Variants in METRN observed in about 807,000 individuals in gnomAD.
METRN encodes meteorin.
A neutral mutation model predicts 17.4 loss-of-function variants in METRN; 17 were observed. The observed-to-expected ratio is 0.98, with a 90% confidence interval of 0.67 to 1.46. METRN has a LOEUF of 1.46. Among genes scored for constraint, METRN ranks in the 40% most tolerant of loss-of-function variants. The pLI is 0.00. For synonymous variants in METRN, 230 were observed against 210.8 expected, an observed-to-expected ratio of 1.09 and a Z score of -0.79; for missense variants, 489 against 456.2, an observed-to-expected ratio of 1.07 and a Z score of -0.65.
rs143686490 is a variant in METRN at position 716,946 on chromosome 16, C to T, written c.519C>T (p.Pro173=). Residue 173 remains proline (P), a synonymous_variant, in exon 3 of 4, where the codon CCC becomes CCT. Coordinates refer to ENST00000568223, the MANE Select transcript of METRN (RefSeq NM_024042.4). ...HGLGVDGACR[P]CSDAELLLAA... The stretch of plus-strand genomic sequence containing the variant: ...TCTGCATGCCAGGTGCCTGCAGGCC[C>T]TGCAGCGACGCTGAGCTGCTCCTGG... 6.4e-6 allele frequency: 10 copies of T among 1,569,868 alleles called. No homozygotes were observed. The African/African-American group carries it at 1.2e-4, about 19-fold the overall frequency.
chr16:716,362 A>G, intron 2 of METRN: 8 of 1,410,062 alleles, frequency 5.7e-6, no homozygotes, highest in Non-Finnish European at 7.4e-6. Flanking sequence ...CCCAACCAAC[A>G]AAAGTCCAGT....
rs967359529 is a variant in METRN at position 715,447 on chromosome 16, A to AC, written c.104+60dup. 5.1e-5 allele frequency: 64 copies of AC among 1,262,446 alleles called. No individual in the cohort carries two copies. In the African/African-American group the frequency reaches 6.8e-4, roughly 13 times the overall value. The allele number at this position is 1,262,446 out of a possible 1,614,324, so 78.2% of individuals were successfully genotyped here. ...TAGGACGGGGTGCGCTGCGGCTAGG[A>AC]CCCCCCAGGCGCCCCTCGGAGCGCG... is the stretch of plus-strand genomic sequence containing the variant. On this transcript the variant is annotated intron_variant, in intron 1 of 3. Coordinates refer to ENST00000568223, the MANE Select transcript of METRN (RefSeq NM_024042.4).
In METRN at chr16:715,410, T is replaced by C; in HGVS notation, c.104+17T>C. The C allele has an allele frequency of 7.7e-7, 1 of 1,290,334 alleles. No individual in the cohort carries two copies. The highest frequency in any genetic ancestry group is 9.8e-7 in the Non-Finnish European group (1 of 1,019,006). The allele number at this position is 1,290,334 out of a possible 1,614,324, so 79.9% of individuals were successfully genotyped here. ...GAGGGGCAGGTACGGTCCGGGGGGCTGTCCCCGCACTTAGGACGGGGTGCG... is the reference window on the plus strand; with the variant it reads ...GAGGGGCAGGTACGGTCCGGGGGGCCGTCCCCGCACTTAGGACGGGGTGCG... On this transcript the variant is annotated intron_variant, in intron 1 of 3. Transcript: ENST00000568223.
At position 715,833 on chromosome 16, in the gene METRN, C is replaced by T; in HGVS notation, c.354C>T (p.Cys118=). ...AEGPGPAGGR[C]VRWGPRERRA... The stretch of plus-strand genomic sequence containing the variant: ...GCCCGGGCCCGGCAGGGGGCCGCTG[C>T]GTGCGCTGGGGTCCCCGCGAGCGCC... The change falls in exon 2 of 4, where the codon TGC becomes TGT. Residue 118 remains cysteine, a synonymous_variant. Transcript: ENST00000568223. 7.7e-7 allele frequency: 1 copy of T among 1,298,668 alleles called. No homozygotes were observed. The highest frequency in any genetic ancestry group is 9.7e-7 in the Non-Finnish European group (1 of 1,026,558). The allele number at this position is 1,298,668 out of a possible 1,614,324, so 80.4% of individuals were successfully genotyped here. A position where few individuals can be genotyped will look rare whatever the true frequency, so the allele number is the denominator to read the frequency against.
chr16:717,990 C>G lies in METRN; in HGVS notation c.*603C>G, dbSNP rs895892837. The G allele has an allele frequency of 6.6e-6, 1 of 152,396 alleles. No individual in the cohort carries two copies. Among genetic ancestry groups the G allele is most frequent in the South Asian group, 2.1e-4 (1 of 4,844 alleles). 9.4% of individuals were successfully genotyped at this position (152,396 alleles called of 1,614,324 possible). A position where few individuals can be genotyped will look rare whatever the true frequency, so the allele number is the denominator to read the frequency against. On this transcript the variant is annotated 3_prime_UTR_variant, in exon 4 of 4. Transcript: ENST00000568223. ...CCCGCAGAGTCATCCTTGGCCCCGT[C>G]CCGCCCTTGGGGAAGAATGGGCCCC... is the stretch of plus-strand genomic sequence containing the variant.
rs1249183649 is a variant in METRN at position 718,378 on chromosome 16, C to G, written c.*991C>G. The G allele has an allele frequency of 1.3e-5, 2 of 152,254 alleles. No homozygotes were observed. The highest frequency in any genetic ancestry group is 4.8e-5 in the African/African-American group (2 of 41,460). The allele number at this position is 152,254 out of a possible 1,614,324, so 9.4% of individuals were successfully genotyped here. A position where few individuals can be genotyped will look rare whatever the true frequency, so the allele number is the denominator to read the frequency against. On this transcript the variant is annotated 3_prime_UTR_variant, in exon 4 of 4. Transcript: ENST00000568223. ...GCCATGGCTCAAGGGCCAGGGACCCCTGGGCTGAGCCCCAGAAATGGCTTT... is the reference window on the plus strand; with the variant it reads ...GCCATGGCTCAAGGGCCAGGGACCCGTGGGCTGAGCCCCAGAAATGGCTTT...
intron 1 of METRN, 77 bp downstream of exon 1, chr16:715,470 G>T (rs2151526914): frequency 1.6e-6 from 2 of 1,255,726 alleles, no homozygotes; most frequent in East Asian, 6.4e-5. Context: ...CCCTCGGAGC[G>T]CGCAGAGCGC....
Position 717,326 on chromosome 16 carries a change from G to T in METRN, c.821G>T (p.Arg274Leu), listed in dbSNP as rs543831016. The T allele has an allele frequency of 6.7e-7, 1 of 1,499,982 alleles. No homozygotes were observed. Among genetic ancestry groups the T allele is most frequent in the Non-Finnish European group, 8.9e-7 (1 of 1,125,662 alleles). 92.9% of individuals were successfully genotyped at this position (1,499,982 alleles called of 1,614,324 possible). A position where few individuals can be genotyped will look rare whatever the true frequency, so the allele number is the denominator to read the frequency against. Residue 274 changes from arginine (R) to leucine (L), a missense_variant, in exon 4 of 4, where the codon CGC becomes CTC. Physicochemically the swap from Arg to Leu is moderately radical, Grantham distance 102. Coordinates refer to ENST00000568223, the MANE Select transcript of METRN (RefSeq NM_024042.4). ...LGCAPRFQEFRRAYEAARAAH... is the reference protein window; with the variant it reads ...LGCAPRFQEFLRAYEAARAAH... ...TGTGCCCCACGATTCCAGGAGTTCC[G>T]CCGTGCCTACGAGGCTGCCCGTGCT...
At chr16:716,042 C>T in intron 2 of METRN, 58 bp downstream of exon 2, 1 of 1,380,750 alleles carries the variant, frequency 7.2e-7, no homozygotes, top group Middle Eastern at 1.9e-4. Flanking sequence ...CCTGCCTGGG[C>T]TTGGCGGGAA....
Position 717,401 on chromosome 16 carries a change from G to GGGGAGGGGCTGGTAGGA in METRN, c.*22_*38dup. On this transcript the variant is annotated 3_prime_UTR_variant, in exon 4 of 4. Coordinates refer to ENST00000568223, the MANE Select transcript of METRN (RefSeq NM_024042.4). The stretch of plus-strand genomic sequence containing the variant: ...GCGCTGCACTGAGGGGCTGGGTGCT[G>GGGGAGGGGCTGGTAGGA]GGGAGGGGCTGGTAGGAGGGAGGGT... 2 of 1,416,996 alleles carry GGGGAGGGGCTGGTAGGA rather than the reference G, an allele frequency of 1.4e-6. No homozygotes were observed. The highest frequency in any genetic ancestry group is 1.8e-6 in the Non-Finnish European group (2 of 1,089,962). 87.8% of individuals were successfully genotyped at this position (1,416,996 alleles called of 1,614,324 possible). A position where few individuals can be genotyped will look rare whatever the true frequency, so the allele number is the denominator to read the frequency against.
Position 715,126 on chromosome 16 carries a change from C to G in METRN, c.-164C>G, listed in dbSNP as rs1050402982. The G allele has an allele frequency of 6.6e-4, 105 of 158,824 alleles. 1 individual carries two copies. The highest frequency in any genetic ancestry group is 1.1e-3 in the Non-Finnish European group (81 of 75,570). 9.8% of individuals were successfully genotyped at this position (158,824 alleles called of 1,614,324 possible). A position where few individuals can be genotyped will look rare whatever the true frequency, so the allele number is the denominator to read the frequency against. On this transcript the variant is annotated 5_prime_UTR_variant, in exon 1 of 4. Transcript: ENST00000568223. ...CCTTCCCGACCCGCTCCAAGGCGGC[C>G]CCGGCGCTGGGGCTGCGCGGCAGGC...
intron 2 of METRN, chr16:716,204 T>G (rs1596582540): frequency 1.0e-6 from 1 of 984,000 alleles, no homozygotes; most frequent in Admixed American, 6.2e-5. Context: ...AGGGGCAGAG[T>G]GGAGGGAAGG....
In METRN at chr16:717,222, A is replaced by G. The variant is rs1465144368; in HGVS notation, c.717A>G (p.Pro239=). The G allele has an allele frequency of 6.3e-7, 1 of 1,592,148 alleles. No individual in the cohort carries two copies. Among genetic ancestry groups the G allele is most frequent in the Middle Eastern group, 1.7e-4 (1 of 6,028 alleles). ...AGGGGCTGACCTCCATTCGTACCCC[A>G]CTGCGCTGTGGCGTCCACCCGGGCC... ...GDQGLTSIRT[P]LRCGVHPGPG... is the part of the protein sequence containing the mutation. The change falls in exon 4 of 4, where the codon CCA becomes CCG. Residue 239 remains proline (P), a synonymous_variant. Transcript: ENST00000568223.
intron 2 of METRN, chr16:716,385 C>T: frequency 7.0e-7 from 1 of 1,426,422 alleles, no homozygotes. Context: ...GCAGCCCGGT[C>T]ACCATGGAGA....
intron 3 of METRN, 22 bp from the exon 4 acceptor site, chr16:717,049 G>A (rs755897200): frequency 8.7e-6 from 14 of 1,611,530 alleles, no homozygotes; most frequent in African/African-American, 8.0e-5. Context: ...AATGCCTACC[G>A]CAGCCACATG....
Position 717,005 on chromosome 16 carries a change from G to C in METRN, c.565+13G>C. The stretch of plus-strand genomic sequence containing the variant: ...ACCAGCGACTTCGGTGAGTGTCCCC[G>C]CCATGGGGGGAGCCTGGAGCCTGCC... On this transcript the variant is annotated intron_variant, in intron 3 of 3. Coordinates refer to ENST00000568223, the MANE Select transcript of METRN (RefSeq NM_024042.4). The C allele has an allele frequency of 6.2e-7, 1 of 1,609,642 alleles. No individual in the cohort carries two copies. The highest frequency in any genetic ancestry group is 8.5e-7 in the Non-Finnish European group (1 of 1,178,062).
intron 1 of METRN, 50 bp from the exon 2 acceptor site, chr16:715,534 C>T: frequency 7.8e-7 from 1 of 1,287,552 alleles, no homozygotes; most frequent in South Asian, 2.3e-5. Context: ...GGGGCTGCGC[C>T]GGGCGGGGAC....
Position 716,729 on chromosome 16 carries a change from AGT to A in METRN, c.506-199_506-198del, listed in dbSNP as rs1567303910. Reference sequence around the variant, plus strand: ...CCTGCCTTGGAGGTACGCGCCTGCAAGTGTGTTTCCTGAGTACAGGTGTCGCC... The same window carrying A: ...CCTGCCTTGGAGGTACGCGCCTGCAAGTGTTTCCTGAGTACAGGTGTCGCC... On this transcript the variant is annotated intron_variant, in intron 2 of 3. Transcript: ENST00000568223. The A allele has an allele frequency of 3.7e-5, 57 of 1,535,316 alleles. 2 individuals carry two copies. In the East Asian group the frequency reaches 4.6e-4, roughly 13 times the overall value.
chr16:715,390 G>T lies in METRN; in HGVS notation c.101G>T (p.Gly34Val), dbSNP rs758887561. Residue 34 changes from glycine (G) to valine (V), a missense_variant, in exon 1 of 4, where the codon GGC (glycine) becomes GTC (valine). Gly to Val is a moderately radical substitution (Grantham distance 109). Transcript: ENST00000568223. ...GYSEERCSWRGSGLTQEPGSV... is the reference protein window; with the variant it reads ...GYSEERCSWRVSGLTQEPGSV... ...TCCGAGGAGCGCTGCAGCTGGAGGG[G>T]CAGGTACGGTCCGGGGGGCTGTCCC... 4 of 1,321,276 alleles carry T rather than the reference G, an allele frequency of 3.0e-6. No homozygotes were observed. In the African/African-American group the frequency reaches 4.6e-5, roughly 15 times the overall value. The allele number at this position is 1,321,276 out of a possible 1,614,324, so 81.8% of individuals were successfully genotyped here.
Sources: gnomAD v4.1 joint callset for allele counts on GRCh38, gnomAD v4.1.1 for gene constraint, MANE v1.5 for transcripts, NCBI Gene and HGNC (gene_info 2026-07-23, HGNC 2026-07-21) for gene names.